The following SV2C variants were observed in gnomAD, a reference collection of about 807,000 sequenced individuals.
SV2C encodes solute carrier family 22 member B3.
Under a neutral mutation model 79.7 loss-of-function variants are expected in SV2C, and 49 were observed. That is an observed-to-expected ratio of 0.61 (90% CI 0.49 to 0.78). The LOEUF is 0.78. Among genes scored for constraint, SV2C ranks in the 30% least tolerant of loss-of-function variants. SV2C has a pLI of 0.00. For missense variants in SV2C, 833 were observed against 912.9 expected (o/e 0.91, Z 1.13); for synonymous variants, 334 against 333.2 (o/e 1.00, Z -0.03).
In SV2C at chr5:76,240,324, C is replaced by T. The variant is rs1042343416; in HGVS notation, c.913+30437C>T. ...AGATGTATTTTGACACATCACCTGT[C>T]CCCTGATATCAGTGTAGCTGTGTAA... On this transcript the variant is annotated intron_variant, in intron 4 of 12. Coordinates refer to ENST00000502798, the MANE Select transcript of SV2C (RefSeq NM_014979.4). 1.6e-4 allele frequency among the ~76,000 whole-genome samples: 24 copies of T among 152,330 alleles called. No homozygotes were observed. In the Middle Eastern group the frequency reaches 0.017, roughly 108 times the overall value.
At chr5:75,975,824 C>T in the SV2C span, among the ~76,000 whole-genome samples, 5 of 152,082 alleles carry the variant, frequency 3.3e-5, 1 homozygote, top group East Asian at 5.8e-4. Context: ...AGAAGAGCAC[C>T]GAAGCTCAGG....
At chr5:76,291,996 G>A in intron 8 of SV2C, 140 bp downstream of exon 8, 1 of 616,884 alleles carries the variant, frequency 1.6e-6, no homozygotes, top group Non-Finnish European at 2.8e-6. Flanking sequence ...TAGGTTTGCT[G>A]AGAGTTATGG....
chr5:76,300,458 C>G (rs1400479442), intron 10 of SV2C, among the ~76,000 whole-genome samples: 1 of 152,008 alleles, frequency 6.6e-6, no homozygotes, highest in Non-Finnish European at 1.5e-5. Context: ...AATGGCCGAC[C>G]ATAGGAAATC....
chr5:76,218,079 A>G (rs1389639451), intron 4 of SV2C, among the ~76,000 whole-genome samples: 4 of 152,180 alleles, frequency 2.6e-5, no homozygotes, highest in African/African-American at 9.7e-5. Context: ...AGTCAGTGCA[A>G]TTGTTAACAG....
chr5:75,858,076 T>C, the SV2C span, among the ~76,000 whole-genome samples: 2 of 152,316 alleles, frequency 1.3e-5, no homozygotes, highest in South Asian at 4.1e-4. Flanking sequence ...TCTTCCTTTT[T>C]AACGTGGATA....
chr5:76,239,091 C>G (rs1745702817), intron 4 of SV2C, among the ~76,000 whole-genome samples: 2 of 152,156 alleles, frequency 1.3e-5, no homozygotes, highest in African/African-American at 4.8e-5. Flanking sequence ...AGTCTTCCCC[C>G]CCACTTCTGT....
chr5:76,119,059 A>G (rs963328010), intron 1 of SV2C, among the ~76,000 whole-genome samples: 126 of 152,328 alleles, frequency 8.3e-4, no homozygotes, highest in Middle Eastern at 3.4e-3. Context: ...GACTTCCCAT[A>G]TGGGTATGCA....
intron 4 of SV2C, among the ~76,000 whole-genome samples, chr5:76,282,108 C>T (rs1221919650): frequency 6.6e-6 from 1 of 152,172 alleles, no homozygotes; most frequent in Non-Finnish European, 1.5e-5. Context: ...GTGTGAGAAA[C>T]ATGTGAGGGG....
chr5:75,893,209 A>G, the SV2C span, among the ~76,000 whole-genome samples: 1 of 151,620 alleles, frequency 6.6e-6, no homozygotes, highest in African/African-American at 2.4e-5. Context: ...TTTTTTGGCC[A>G]CCTGTATGTC....
the SV2C span, among the ~76,000 whole-genome samples, chr5:76,054,202 T>A: frequency 0.018 from 2,689 of 152,292 alleles, 40 homozygotes; most frequent in South Asian, 0.048. Context: ...ATCCATGTGT[T>A]CCCATTGTTC....
At chr5:75,920,695 G>T in the SV2C span, 31 of 739,742 alleles carry the variant, frequency 4.2e-5, no homozygotes, top group African/African-American at 5.1e-4. Context: ...ATTCTGTTGA[G>T]GGCACTGCCG....
chr5:76,082,502 C>A (rs1183514774), upstream of SV2C: 1 of 151,804 alleles, frequency 6.6e-6, no homozygotes, highest in Non-Finnish European at 1.5e-5. Flanking sequence ...AAGCAAAATT[C>A]TCTCTCTCTC....
At chr5:75,871,828 T>TAC in the SV2C span, among the ~76,000 whole-genome samples, 22 of 118,662 alleles carry the variant, frequency 1.9e-4, no homozygotes, top group African/African-American at 6.1e-4. Context: ...TATATATATA[T>TAC]ATATATACAC....
At chr5:75,913,687 T>C in the SV2C span, among the ~76,000 whole-genome samples, 1 of 152,192 alleles carries the variant, frequency 6.6e-6, no homozygotes, top group African/African-American at 2.4e-5. Context: ...GTTGGTTGTG[T>C]TGAAAAGTAA....
chr5:76,325,488 G>A lies in SV2C; in HGVS notation c.2125G>A (p.Val709Met), dbSNP rs572553728. The stretch of plus-strand genomic sequence containing the variant: ...CATCCTGCTGGCTTCTACTGTGCTC[G>A]TGTGTGGAGGACTCGTTGGGCTGTG... ...IPILLASTVL[V>M]CGGLVGLCLP... Residue 709 changes from valine to methionine, a missense_variant, in exon 13 of 13, where the codon GTG (valine) becomes ATG (methionine). Val to Met is a conservative substitution (Grantham distance 21, BLOSUM62 1). Transcript: ENST00000502798. 146 of 1,614,176 alleles carry A rather than the reference G, an allele frequency of 9.0e-5. No individual in the cohort carries two copies. Among genetic ancestry groups the A allele is most frequent in the South Asian group, 7.7e-5 (7 of 91,078 alleles).
chr5:75,986,509 T>G, the SV2C span, among the ~76,000 whole-genome samples: 174 of 152,014 alleles, frequency 1.1e-3, no homozygotes, highest in Non-Finnish European at 1.2e-3. Context: ...CCCAGTGAAA[T>G]TTTGGACTTT....
At chr5:76,121,550 G>A (rs1413929306) in intron 1 of SV2C, among the ~76,000 whole-genome samples, 1 of 150,796 alleles carries the variant, frequency 6.6e-6, no homozygotes, top group Non-Finnish European at 1.5e-5. Flanking sequence ...TTTGTATAAG[G>A]TGTAAGGAAG....
At chr5:76,073,503 G>GTATATATATATA in the SV2C span, among the ~76,000 whole-genome samples, 281 of 67,410 alleles carry the variant, frequency 4.2e-3, 6 homozygotes, top group Non-Finnish European at 6.2e-3. Context: ...GTATGTGTGT[G>GTATATATATATA]TATATATATA....
At chr5:76,212,672 G>A (rs759798892) in intron 4 of SV2C, among the ~76,000 whole-genome samples, 3 of 151,988 alleles carry the variant, frequency 2.0e-5, no homozygotes, top group East Asian at 1.9e-4. Context: ...TCTTAAACAC[G>A]TAACTCACAC....
Sources: allele counts gnomAD v4.1 joint callset (sites outside exome capture counted in the v4.1 genomes callset), GRCh38; gene constraint gnomAD v4.1.1; transcripts MANE v1.5; gene names NCBI Gene and HGNC (gene_info 2026-07-23, HGNC 2026-07-21).